Variants in TAP2 observed in about 807,000 individuals in gnomAD.
TAP2 encodes the protein transporter 2, ATP binding cassette subfamily B member, also known as antigen peptide transporter 2.
Under a neutral mutation model 74.7 loss-of-function variants are expected in TAP2, and 49 were observed. That is an observed-to-expected ratio of 0.66 (90% CI 0.52 to 0.83). The LOEUF (loss-of-function observed/expected upper bound fraction) is 0.83, where lower values mean the gene tolerates loss of function less well. Among genes scored for constraint, TAP2 ranks in the 40% least tolerant of loss-of-function variants. The pLI, the probability that TAP2 is intolerant of heterozygous loss-of-function variation, is 0.00. For synonymous variants in TAP2, 306 were observed against 368.4 expected, an observed-to-expected ratio of 0.83 and a Z score of 1.94; for missense variants, 739 against 859.0, an observed-to-expected ratio of 0.86 and a Z score of 1.75.
downstream of TAP2, chr6:32,825,260 A>G (rs887127994): frequency 2.6e-5 from 4 of 151,950 alleles, no homozygotes; most frequent in African/African-American, 9.7e-5. Context: ...TGGACTCAGC[A>G]ACTCCCCTTT....
Position 32,829,486 on chromosome 6 carries a change from C to T in TAP2, c.1846G>A (p.Ala616Thr). The T allele has an allele frequency of 1.2e-6, 2 of 1,614,158 alleles. No homozygotes were observed. Among genetic ancestry groups the T allele is most frequent in the South Asian group, 2.2e-5 (2 of 91,064 alleles). ...TCTCGTACAAGGGCCCGGGCAATGG[C>T]CAGACGTTGTTTCTGTCCCGCAGCC... ...QLAAGQKQRL[A>T]IARALVRDPR... Residue 616 changes from alanine to threonine, a missense_variant, in exon 11 of 12, where the codon GCC becomes ACC. Coordinates refer to ENST00000374897, the MANE Select transcript of TAP2 (RefSeq NM_001290043.2).
downstream of TAP2, among the ~76,000 whole-genome samples, chr6:32,823,287 T>C (rs1768425512): frequency 6.6e-6 from 1 of 152,216 alleles, no homozygotes; most frequent in Middle Eastern, 3.2e-3. Flanking sequence ...TGGTAGTACA[T>C]TTCTGAATAT....
Position 32,835,120 on chromosome 6 carries a change from T to C in TAP2, c.945+34A>G. ...AAGCCTCCTCACCTGTCAGTTTTAT[T>C]CTCCCTTTGGGGTTCCCTTACATGC... On this transcript the variant is annotated intron_variant, in intron 5 of 11. Coordinates refer to ENST00000374897, the MANE Select transcript of TAP2 (RefSeq NM_001290043.2). This position sits in a 1 kb window ranked among gnomAD's most constrained non-coding sequence, Gnocchi z 4.0. The C allele has an allele frequency of 6.2e-7, 1 of 1,608,682 alleles. No individual in the cohort carries two copies. The highest frequency in any genetic ancestry group is 8.5e-7 in the Non-Finnish European group (1 of 1,177,686).
rs770111657 is a variant in TAP2, at chr6:32,829,491, C to T, written c.1841G>A (p.Arg614His). Residue 614 changes from arginine (R) to histidine (H), a missense_variant, in exon 11 of 12, where the codon CGT becomes CAT. Physicochemically the swap from Arg to His is conservative, Grantham distance 29 (BLOSUM62 0). Transcript: ENST00000374897. ...TACAAGGGCCCGGGCAATGGCCAGA[C>T]GTTGTTTCTGTCCCGCAGCCAGCTG... ...GSQLAAGQKQ[R>H]LAIARALVRD... 2.1e-5 allele frequency: 34 copies of T among 1,614,072 alleles called. No homozygotes were observed. Among genetic ancestry groups the T allele is most frequent in the South Asian group, 1.2e-4 (11 of 91,074 alleles).
chr6:32,823,624 T>C (rs1221768840), downstream of TAP2, among the ~76,000 whole-genome samples: 2 of 152,024 alleles, frequency 1.3e-5, no homozygotes, highest in Non-Finnish European at 2.9e-5. Context: ...TTGCAAATAA[T>C]AGAGTTTTTA....
chr6:32,835,428 C>G lies in TAP2; in HGVS notation c.740-69G>C. ...CTGCAGGGCCCCCAGAAACTCCCTC[C>G]TGACCGTTCCCTCTGACACAGCCCC... is the stretch of plus-strand genomic sequence containing the variant. On this transcript the variant is annotated intron_variant, in intron 4 of 11. Coordinates refer to ENST00000374897, the MANE Select transcript of TAP2 (RefSeq NM_001290043.2). The surrounding 1 kb of genome is among the most constrained non-coding windows in gnomAD (Gnocchi z 4.0). 6.4e-7 allele frequency: 1 copy of G among 1,553,048 alleles called. No individual in the cohort carries two copies. The highest frequency in any genetic ancestry group is 8.8e-7 in the Non-Finnish European group (1 of 1,130,370).
chr6:32,837,418 AT>A (rs1769486391), intron 3 of TAP2, 118 bp downstream of exon 3: 1 of 789,484 alleles, frequency 1.3e-6, no homozygotes. Context: ...CATTCACCAT[AT>A]TTTAGTTTAA....
chr6:32,834,850 C>T (rs1203486316), intron 5 of TAP2, among the ~76,000 whole-genome samples: 1 of 152,172 alleles, frequency 6.6e-6, no homozygotes, highest in Non-Finnish European at 1.5e-5. Context: ...GTACAGACTC[C>T]TTTGAGAAGC....
rs777069495 is a variant in TAP2, at chr6:32,837,630, T to A, written c.515A>T (p.Tyr172Phe). ...AVLGETLIPHYSGRVIDILGG... is the reference protein window; with the variant it reads ...AVLGETLIPHFSGRVIDILGG... The stretch of plus-strand genomic sequence containing the variant: ...CAGGATGTCAATCACACGACCAGAA[T>A]AGTGAGGGATTAATGTCTCACCTGA... Residue 172 changes from tyrosine (Y) to phenylalanine (F), a missense_variant, in exon 3 of 12, where the codon TAT becomes TTT. Physicochemically the swap from Tyr to Phe is conservative, Grantham distance 22 (BLOSUM62 3). Transcript: ENST00000374897. The A allele has an allele frequency of 2.9e-5, 46 of 1,613,930 alleles. No individual in the cohort carries two copies. Among genetic ancestry groups the A allele is most frequent in the Non-Finnish European group, 8.5e-6 (10 of 1,180,008 alleles).
downstream of TAP2, among the ~76,000 whole-genome samples, chr6:32,822,516 C>T (rs1768349365): frequency 6.6e-6 from 1 of 151,600 alleles, no homozygotes; most frequent in Admixed American, 6.6e-5. Context: ...TCTTCTATGC[C>T]ATTGAGCCAT....
downstream of TAP2, among the ~76,000 whole-genome samples, chr6:32,823,878 A>C (rs1000565875): frequency 6.6e-6 from 1 of 152,160 alleles, no homozygotes; most frequent in African/African-American, 2.4e-5. Flanking sequence ...TTATTTGTAT[A>C]TAATACACTT....
Position 32,829,544 on chromosome 6 carries a change from A to C in TAP2, c.1796-8T>G. 4.3e-6 allele frequency: 7 copies of C among 1,614,116 alleles called. No individual in the cohort carries two copies. The highest frequency in any genetic ancestry group is 5.9e-6 in the Non-Finnish European group (7 of 1,180,016). On this transcript the variant is annotated splice_region_variant and splice_polypyrimidine_tract_variant and intron_variant, in intron 10 of 11. Coordinates refer to ENST00000374897, the MANE Select transcript of TAP2 (RefSeq NM_001290043.2). ...TTCCCTTCTCCCCTACATCTGAGGA[A>C]ATCAGAGAAATTCCCTTCCTCAGAT...
At position 32,828,681 on chromosome 6, in the gene TAP2, A is replaced by AACCCCC; in HGVS notation, c.*224_*225insGGGGGT. Reference sequence around the variant, plus strand: ...AGTTTCCTGGACACAGACAGCCCCCACCCCACCCCACCCCACCTCTCTACC... The same window carrying AACCCCC: ...AGTTTCCTGGACACAGACAGCCCCCAACCCCCCCCCACCCCACCCCACCTCTCTACC... On this transcript the variant is annotated 3_prime_UTR_variant, in exon 12 of 12. Coordinates refer to ENST00000374897, the MANE Select transcript of TAP2 (RefSeq NM_001290043.2). The AACCCCC allele has an allele frequency of 1.6e-6, 1 of 606,174 alleles. No individual in the cohort carries two copies. Among genetic ancestry groups the AACCCCC allele is most frequent in the Non-Finnish European group, 2.0e-6 (1 of 497,976 alleles). The allele number at this position is 606,174 out of a possible 1,614,324, so 37.5% of individuals were successfully genotyped here. A position where few individuals can be genotyped will look rare whatever the true frequency, so the allele number is the denominator to read the frequency against.
Position 32,825,971 on chromosome 6 carries a change from A to C in TAP2, c.*2935T>G. 1 of 980,614 alleles carries C rather than the reference A, an allele frequency of 1.0e-6. No homozygotes were observed. The highest frequency in any genetic ancestry group is 1.2e-6 in the Non-Finnish European group (1 of 826,266). The allele number at this position is 980,614 out of a possible 1,614,324, so 60.7% of individuals were successfully genotyped here. On this transcript the variant is annotated 3_prime_UTR_variant, in exon 12 of 12. Transcript: ENST00000374897. ...ACAGCAATAGCACATAGTAAGCACC[A>C]GTGAATGCTTAGTAGTAGTAGTAGT...
chr6:32,838,265 A>G (rs1177344256), intron 1 of TAP2, 28 bp from the exon 2 acceptor site: 7 of 1,530,368 alleles, frequency 4.6e-6, no homozygotes, highest in African/African-American at 1.4e-5. Context: ...ATGAGAAATC[A>G]TGGGGGTGGA....
chr6:32,828,649 G>A lies in TAP2; in HGVS notation c.*257C>T, dbSNP rs1768809182. 5 of 1,213,716 alleles carry A rather than the reference G, an allele frequency of 4.1e-6. No homozygotes were observed. The highest frequency in any genetic ancestry group is 5.1e-6 in the Non-Finnish European group (5 of 970,946). 75.2% of individuals were successfully genotyped at this position (1,213,716 alleles called of 1,614,324 possible). ...CACCAGGCAAAGCTCTAGTCACCAG[G>A]GAATTAAGTTTCCTGGACACAGACA... is the stretch of plus-strand genomic sequence containing the variant. On this transcript the variant is annotated 3_prime_UTR_variant, in exon 12 of 12. Coordinates refer to ENST00000374897, the MANE Select transcript of TAP2 (RefSeq NM_001290043.2).
rs1283438032 is a variant in TAP2, at chr6:32,830,039, GT to G, written c.1685del (p.Asn562ThrfsTer15). The G allele has an allele frequency of 1.9e-6, 3 of 1,613,008 alleles. No homozygotes were observed. The highest frequency in any genetic ancestry group is 1.3e-5 in the African/African-American group (1 of 74,912). On this transcript the variant is annotated frameshift_variant, in exon 10 of 12. Transcript: ENST00000374897. LOFTEE classifies it high-confidence loss of function. ...AGCTCTGCAGCCCATAAGCAATGTT[GT>G]TCCTCACAGAACCGGAGAACAGCAC... is the stretch of plus-strand genomic sequence containing the variant. Reference protein sequence around the residue: ...EPVLFSGSVRNNIAYGLQSCE... With the variant: ...EPVLFSGSVRXNIAYGLQSCE...
rs1768616961 is a variant in TAP2 at position 32,825,881 on chromosome 6, G to GTAA, written c.*3022_*3024dup. 4.6e-6 allele frequency: 3 copies of GTAA among 652,758 alleles called. No homozygotes were observed. The African/African-American group carries it at 6.0e-5, about 13-fold the overall frequency. 40.4% of individuals were successfully genotyped at this position (652,758 alleles called of 1,614,324 possible). A position where few individuals can be genotyped will look rare whatever the true frequency, so the allele number is the denominator to read the frequency against. Reference sequence around the variant, plus strand: ...TTTTCTCACTCTTAGAATTGAGATAGTAATACCTGCCACATAGAATTATCT... The same window carrying GTAA: ...TTTTCTCACTCTTAGAATTGAGATAGTAATAATACCTGCCACATAGAATTATCT... On this transcript the variant is annotated 3_prime_UTR_variant, in exon 12 of 12. Coordinates refer to ENST00000374897, the MANE Select transcript of TAP2 (RefSeq NM_001290043.2).
At chr6:32,834,826 T>C (rs1769305883) in intron 5 of TAP2, among the ~76,000 whole-genome samples, 1 of 152,140 alleles carries the variant, frequency 6.6e-6, no homozygotes, top group Admixed American at 6.5e-5. Flanking sequence ...ATCTTCGCAG[T>C]GGGGGCGGGG....
Sources: allele counts gnomAD v4.1 joint callset (sites outside exome capture counted in the v4.1 genomes callset), GRCh38; gene constraint gnomAD v4.1.1; non-coding constraint Gnocchi (gnomAD v3.1); transcripts MANE v1.5; gene names NCBI Gene and HGNC (gene_info 2026-07-23, HGNC 2026-07-21).